The following LIPI variants were observed in gnomAD, a reference collection of about 807,000 sequenced individuals.
LIPI encodes the protein lipase I, also known as lipase member I.
Under a neutral mutation model 50.6 loss-of-function variants are expected in LIPI, and 59 were observed. The ratio of observed to expected loss-of-function variants is 1.16; its 90% CI spans 0.94 to 1.45. The LOEUF (loss-of-function observed/expected upper bound fraction) is 1.45. LIPI is among the 40% of genes most tolerant of loss of function. The probability of loss-of-function intolerance (pLI) is 0.00; values close to 1 mark genes in which losing one functional copy is unlikely to be tolerated. For synonymous variants in LIPI, 203 were observed against 178.2 expected (o/e 1.14, Z -1.11); for missense variants, 586 against 536.3 (o/e 1.09, Z -0.92).
chr21:14,182,442 C>T (rs74349489), intron 3 of LIPI, among the ~76,000 whole-genome samples: 1 of 152,060 alleles, frequency 6.6e-6, no homozygotes, highest in Non-Finnish European at 1.5e-5. Flanking sequence ...AAATGCTAGG[C>T]TCATGACTTT....
At chr21:14,178,584 T>C (rs1457361797) in intron 4 of LIPI, among the ~76,000 whole-genome samples, 1 of 152,172 alleles carries the variant, frequency 6.6e-6, no homozygotes, top group Non-Finnish European at 1.5e-5. Flanking sequence ...TAATTTTTTG[T>C]TAAATTTTTC....
chr21:14,152,509 G>A (rs1253606281), intron 8 of LIPI, 64 bp downstream of exon 8: 3 of 775,370 alleles, frequency 3.9e-6, no homozygotes, highest in Non-Finnish European at 6.7e-6. Context: ...TTATCTGTTG[G>A]ATGGGATACT....
At chr21:14,137,319 A>G (rs2123028484) in intron 9 of LIPI, among the ~76,000 whole-genome samples, 1 of 152,316 alleles carries the variant, frequency 6.6e-6, no homozygotes, top group Middle Eastern at 3.4e-3. Flanking sequence ...GTGTTGAGGA[A>G]ACTAAAAGGA....
intron 9 of LIPI, among the ~76,000 whole-genome samples, chr21:14,137,593 T>C (rs1316107159): frequency 6.6e-6 from 1 of 151,684 alleles, no homozygotes; most frequent in Non-Finnish European, 1.5e-5. Context: ...ATCTAGAAAA[T>C]AGCCTTAAAA....
chr21:14,141,535 C>T (rs1203691909), intron 9 of LIPI, among the ~76,000 whole-genome samples: 1 of 152,006 alleles, frequency 6.6e-6, no homozygotes, highest in Non-Finnish European at 1.5e-5. Context: ...CTTCTGTTTC[C>T]TGTTATAAAT....
intron 9 of LIPI, among the ~76,000 whole-genome samples, chr21:14,134,052 C>A (rs1255169287): frequency 6.6e-6 from 1 of 151,958 alleles, no homozygotes; most frequent in Non-Finnish European, 1.5e-5. Context: ...ATAGGGACAA[C>A]CCATTTCTAC....
At position 14,141,575 on chromosome 21, in the gene LIPI, C is replaced by T. The variant is rs1185835583; in HGVS notation, c.1295+3048G>A. ...TAAAAAGTCAACCTTATTTCTAAAT[C>T]TTGATTGTTATACCTTTTCTTCTTG... On this transcript the variant is annotated intron_variant, in intron 9 of 9. Transcript: ENST00000681601. Among the ~76,000 whole-genome samples, 3 of 152,072 alleles carry T rather than the reference C, an allele frequency of 2.0e-5. No individual in the cohort carries two copies. The South Asian group carries it at 6.2e-4, about 32-fold the overall frequency.
intron 9 of LIPI, among the ~76,000 whole-genome samples, chr21:14,114,326 C>T (rs1266989817): frequency 6.6e-6 from 1 of 152,118 alleles, no homozygotes; most frequent in Non-Finnish European, 1.5e-5. Flanking sequence ...ATCAGACCCA[C>T]CCAAAATGGC....
intron 4 of LIPI, among the ~76,000 whole-genome samples, chr21:14,177,213 TA>T (rs1374260534): frequency 6.6e-6 from 1 of 152,112 alleles, no homozygotes; most frequent in Non-Finnish European, 1.5e-5. Context: ...AGTTTGTCCA[TA>T]TTTTTATTAG....
chr21:14,151,566 G>A (rs1173863328), intron 8 of LIPI, among the ~76,000 whole-genome samples: 2 of 152,074 alleles, frequency 1.3e-5, no homozygotes, highest in Admixed American at 6.6e-5. Context: ...ACTAGATATG[G>A]TGTCTGTGAG....
chr21:14,177,583 T>A (rs2019139047), intron 4 of LIPI, among the ~76,000 whole-genome samples: 1 of 152,100 alleles, frequency 6.6e-6, no homozygotes, highest in Non-Finnish European at 1.5e-5. Flanking sequence ...CTTTTCTTGC[T>A]AGATACCCTA....
At position 14,189,165 on chromosome 21, in the gene LIPI, G is replaced by A; in HGVS notation, c.301C>T (p.Leu101=). 2 of 1,614,060 alleles carry A rather than the reference G, an allele frequency of 1.2e-6. No individual in the cohort carries two copies. The highest frequency in any genetic ancestry group is 1.7e-6 in the Non-Finnish European group (2 of 1,179,994). ...LWLQNFVRIL[L]NEEDMNVIVV... ...ATTACATTCATATCTTCTTCATTCAGCAAAATCCTTACGAAGTTCTGAAGC... is the reference window on the plus strand; with the variant it reads ...ATTACATTCATATCTTCTTCATTCAACAAAATCCTTACGAAGTTCTGAAGC... Residue 101 remains leucine (L), a synonymous_variant, in exon 2 of 10, where the codon CTG becomes TTG. Transcript: ENST00000681601.
At chr21:14,138,673 G>T (rs1449549441) in intron 9 of LIPI, among the ~76,000 whole-genome samples, 1 of 151,938 alleles carries the variant, frequency 6.6e-6, no homozygotes, top group African/African-American at 2.4e-5. Context: ...CAATTTTAAT[G>T]ATTGCATAAC....
intron 4 of LIPI, among the ~76,000 whole-genome samples, chr21:14,174,517 T>A (rs1600898798): frequency 6.6e-6 from 1 of 151,978 alleles, no homozygotes; most frequent in East Asian, 1.9e-4. Flanking sequence ...CCCATCATTT[T>A]TTTTTAAATA....
intron 1 of LIPI, among the ~76,000 whole-genome samples, chr21:14,208,830 T>G (rs1020806244): frequency 1.3e-5 from 2 of 152,174 alleles, no homozygotes; most frequent in Non-Finnish European, 2.9e-5. Flanking sequence ...GAAGGGCAGA[T>G]CACTTGAGCC....
At chr21:14,177,741 A>G (rs1169990864) in intron 4 of LIPI, among the ~76,000 whole-genome samples, 2 of 152,110 alleles carry the variant, frequency 1.3e-5, no homozygotes, top group African/African-American at 4.8e-5. Flanking sequence ...TTAATTTTCT[A>G]TATTTCAAGT....
chr21:14,207,026 C>T (rs553559066), intron 1 of LIPI: 40 of 805,040 alleles, frequency 5.0e-5, no homozygotes, highest in South Asian at 6.8e-5. Flanking sequence ...AAACAATTGA[C>T]CCACTTTATG....
intron 7 of LIPI, among the ~76,000 whole-genome samples, chr21:14,158,376 T>C (rs2018344940): frequency 6.6e-6 from 1 of 151,288 alleles, no homozygotes; most frequent in South Asian, 2.1e-4. Context: ...CTCTAAAAAA[T>C]ACATAGAACA....
intron 9 of LIPI, among the ~76,000 whole-genome samples, chr21:14,121,672 A>G (rs767980979): frequency 6.6e-6 from 1 of 152,148 alleles, no homozygotes; most frequent in Non-Finnish European, 1.5e-5. Flanking sequence ...GATGGCCCCC[A>G]TATTGTAATC....
Sources: allele counts gnomAD v4.1 joint callset (sites outside exome capture counted in the v4.1 genomes callset), GRCh38; gene constraint gnomAD v4.1.1; transcripts MANE v1.5; gene names NCBI Gene and HGNC (gene_info 2026-07-23, HGNC 2026-07-21).